ANXA2: variants seen among roughly 807,000 people sequenced by gnomAD.
ANXA2 encodes annexin A2.
Under a neutral mutation model 47.3 loss-of-function variants are expected in ANXA2, and 28 were observed. The ratio of observed to expected loss-of-function variants is 0.59; its 90% CI spans 0.44 to 0.81. ANXA2 has a LOEUF of 0.81. Ranked by LOEUF, ANXA2 falls within the 40% of genes least tolerant of loss-of-function variation. The pLI, the probability that ANXA2 is intolerant of heterozygous loss-of-function variation, is 0.00. For missense variants in ANXA2, 384 were observed against 414.3 expected (o/e 0.93, Z 0.64); for synonymous variants, 172 against 155.5 (o/e 1.11, Z -0.79).
At chr15:60,360,640 T>C (rs1426852081) in intron 5 of ANXA2, among the ~76,000 whole-genome samples, 1 of 152,198 alleles carries the variant, frequency 6.6e-6, no homozygotes, top group African/African-American at 2.4e-5. Context: ...ACATATCTTT[T>C]TAAAGGAGGA....
Position 60,352,361 on chromosome 15 carries a change from A to T in ANXA2, c.682+22T>A, listed in dbSNP as rs1411957981. 6.3e-7 allele frequency: 1 copy of T among 1,576,260 alleles called. No homozygotes were observed. Among genetic ancestry groups the T allele is most frequent in the Admixed American group, 1.7e-5 (1 of 58,294 alleles). On this transcript the variant is annotated intron_variant, in intron 9 of 12. Coordinates refer to ENST00000451270, the MANE Select transcript of ANXA2 (RefSeq NM_004039.3). The surrounding 1 kb of genome is among the most constrained non-coding windows in gnomAD (Gnocchi z 4.2). ...CCAGCCAGGGCCCCAAGGCACTGAGACTCCCTCAGCACAGTGCCCACCTTT... is the reference window on the plus strand; with the variant it reads ...CCAGCCAGGGCCCCAAGGCACTGAGTCTCCCTCAGCACAGTGCCCACCTTT...
chr15:60,371,291 G>A (rs187833342), intron 3 of ANXA2, among the ~76,000 whole-genome samples: 5 of 152,322 alleles, frequency 3.3e-5, no homozygotes, highest in Admixed American at 6.5e-5. Flanking sequence ...GGAATGCCAC[G>A]GGGAGGTGTT....
intron 3 of ANXA2, among the ~76,000 whole-genome samples, chr15:60,379,457 TCAAGGCAATGAAAAAAATC>T (rs369705319): frequency 0.024 from 3,581 of 151,978 alleles, 146 homozygotes; most frequent in African/African-American, 0.079. Flanking sequence ...TGAAAATAAT[TCAAGGCAATGAAAAAAATC>T]CAAGGCAATG....
intron 2 of ANXA2, 30 bp downstream of exon 2, chr15:60,385,998 A>T (rs770660726): frequency 1.3e-6 from 2 of 1,571,964 alleles, no homozygotes; most frequent in Non-Finnish European, 1.7e-6. Flanking sequence ...AACTTGCAAA[A>T]ATTATATAAA....
At position 60,382,380 on chromosome 15, in the gene ANXA2, C is replaced by T. The variant is rs752375907; in HGVS notation, c.110G>A (p.Arg37Gln). The change falls in exon 3 of 13, where the codon CGG (arginine) becomes CAG (glutamine). Residue 37 changes from arginine to glutamine, a missense_variant. Transcript: ENST00000451270. ...GGCTGTTTCAATGTTCAAAGCATCCCGCTCAGCATCAAAGTTAGTATAGGC... is the reference window on the plus strand; with the variant it reads ...GGCTGTTTCAATGTTCAAAGCATCCTGCTCAGCATCAAAGTTAGTATAGGC... ...VKAYTNFDAE[R>Q]DALNIETAIK... The T allele has an allele frequency of 2.5e-5, 41 of 1,613,832 alleles. No individual in the cohort carries two copies. Among genetic ancestry groups the T allele is most frequent in the Admixed American group, 1.7e-4 (10 of 59,996 alleles).
intron 3 of ANXA2, among the ~76,000 whole-genome samples, chr15:60,375,961 G>T (rs2062770582): frequency 1.3e-5 from 2 of 152,284 alleles, no homozygotes; most frequent in Middle Eastern, 3.4e-3. Context: ...TGGGGAGGAA[G>T]GAGGCTACAC....
intron 1 of ANXA2, chr15:60,397,160 G>C: frequency 1.5e-6 from 1 of 649,200 alleles, no homozygotes; most frequent in East Asian, 1.4e-4. Context: ...GAGAGGCCCC[G>C]GGGCCACGCC....
In ANXA2 at chr15:60,351,654, C is replaced by T. The variant is rs8037326; in HGVS notation, c.778+70G>A. The T allele has an allele frequency of 1.6e-4, 154 of 975,352 alleles. 2 individuals are homozygous for T. The South Asian group carries it at 2.0e-3, about 13-fold the overall frequency. 60.4% of individuals were successfully genotyped at this position (975,352 alleles called of 1,614,324 possible). A position where few individuals can be genotyped will look rare whatever the true frequency, so the allele number is the denominator to read the frequency against. ...CACCTCCCAAACACATTTGGATTAA[C>T]AGGATGGCCATCTGTCACTTCTGCT... On this transcript the variant is annotated intron_variant, in intron 10 of 12. Coordinates refer to ENST00000451270, the MANE Select transcript of ANXA2 (RefSeq NM_004039.3).
At chr15:60,393,691 C>T in intron 1 of ANXA2, 1 of 985,356 alleles carries the variant, frequency 1.0e-6, no homozygotes. Flanking sequence ...CCGCCTTTCT[C>T]ACACACCCCT....
chr15:60,381,999 C>CG (rs1359725301), intron 3 of ANXA2, among the ~76,000 whole-genome samples: 65 of 86,552 alleles, frequency 7.5e-4, no homozygotes, highest in Middle Eastern at 0.014. Flanking sequence ...AGAGAAGAAA[C>CG]GGGGGGTGGG....
In ANXA2 at chr15:60,352,596, T is replaced by A. The variant is rs1352588790; in HGVS notation, c.589-120A>T. 6 of 716,728 alleles carry A rather than the reference T, an allele frequency of 8.4e-6. No homozygotes were observed. The highest frequency in any genetic ancestry group is 1.5e-5 in the Non-Finnish European group (6 of 411,538). The allele number at this position is 716,728 out of a possible 1,614,324, so 44.4% of individuals were successfully genotyped here. On this transcript the variant is annotated intron_variant, in intron 8 of 12. Transcript: ENST00000451270. This position sits in a 1 kb window ranked among gnomAD's most constrained non-coding sequence, Gnocchi z 4.2. The stretch of plus-strand genomic sequence containing the variant: ...AAAATGCCAAACGAGGAAAGATGAT[T>A]ATACTGCAGACATGGGCAGAGACCT...
At chr15:60,380,595 G>T (rs187557176) in intron 3 of ANXA2, among the ~76,000 whole-genome samples, 1 of 151,622 alleles carries the variant, frequency 6.6e-6, no homozygotes, top group Admixed American at 6.6e-5. Context: ...CCAGAGGTGA[G>T]GGAGTTCGAG....
rs1895908819 is a variant in ANXA2 at position 60,349,811 on chromosome 15, GAAAGGAAGGAA to G, written c.838-625_838-615del. On this transcript the variant is annotated intron_variant, in intron 11 of 12. Transcript: ENST00000451270. ...GAGAAAGAGAGAAGAAAGGGAAAGG[GAAAGGAAGGAA>G]AGGGAGGGAGGGGAAGGAAAGGGAG... Among the ~76,000 whole-genome samples, 4 of 143,264 alleles carry G rather than the reference GAAAGGAAGGAA, an allele frequency of 2.8e-5. No homozygotes were observed. The East Asian group carries it at 8.3e-4, about 30-fold the overall frequency. The allele number at this position is 143,264 out of a possible 152,430, so 94.0% of individuals were successfully genotyped here.
intron 3 of ANXA2, among the ~76,000 whole-genome samples, chr15:60,378,634 C>T (rs888815719): frequency 1.3e-5 from 2 of 152,166 alleles, no homozygotes; most frequent in Non-Finnish European, 2.9e-5. Flanking sequence ...GACCAATGGA[C>T]TTGCAAAACC....
chr15:60,354,449 G>A (rs540677598), intron 7 of ANXA2, among the ~76,000 whole-genome samples: 1 of 152,086 alleles, frequency 6.6e-6, no homozygotes, highest in Admixed American at 6.5e-5. Context: ...AGACCAACCT[G>A]GCTAACAAGG....
At chr15:60,355,180 T>C (rs1392386021) in intron 7 of ANXA2, among the ~76,000 whole-genome samples, 1 of 152,120 alleles carries the variant, frequency 6.6e-6, no homozygotes, top group African/African-American at 2.4e-5. Flanking sequence ...TTAAATTTGA[T>C]GCAGCAGAAA....
chr15:60,361,374 G>A (rs556417854), intron 4 of ANXA2: 1 of 294,538 alleles, frequency 3.4e-6, no homozygotes, highest in East Asian at 7.9e-5. Flanking sequence ...ATGCTTGAAA[G>A]CAGTAACACT....
intron 1 of ANXA2, chr15:60,393,581 C>A: frequency 1.0e-6 from 1 of 985,484 alleles, no homozygotes; most frequent in Middle Eastern, 5.2e-4. Context: ...TAACTCTTCT[C>A]CAAACACGCT....
rs570608206 is a variant in ANXA2 at position 60,357,387 on chromosome 15, C to T, written c.358-151G>A. 1.8e-3 allele frequency: 1,140 copies of T among 628,632 alleles called. 11 individuals carry two copies. In the African/African-American group the frequency reaches 0.019, roughly 10 times the overall value. The allele number at this position is 628,632 out of a possible 1,614,324, so 38.9% of individuals were successfully genotyped here. ...CTTCTGAAGAATCTATACTCCTACC[C>T]CTTAGCACAAAGTAATGGCATTTTC... On this transcript the variant is annotated intron_variant, in intron 5 of 12. Coordinates refer to ENST00000451270, the MANE Select transcript of ANXA2 (RefSeq NM_004039.3).
Sources: gnomAD v4.1 joint callset for allele counts (sites outside exome capture counted in the v4.1 genomes callset) on GRCh38, gnomAD v4.1.1 for gene constraint, Gnocchi (gnomAD v3.1) non-coding constraint, MANE v1.5 for transcripts, NCBI Gene and HGNC (gene_info 2026-07-23, HGNC 2026-07-21) for gene names.